The following EXOC2 variants were observed in gnomAD, a reference collection of about 807,000 sequenced individuals.
EXOC2 encodes the protein SEC5-like 1.
EXOC2 carries 70 observed loss-of-function variants against 131.8 expected under a neutral mutation model. The observed-to-expected ratio is 0.53, with a 90% CI of 0.44 to 0.65. The LOEUF (loss-of-function observed/expected upper bound fraction) is 0.65, where lower values mean the gene tolerates loss of function less well. Ranked by LOEUF, EXOC2 falls within the 30% of genes least tolerant of loss-of-function variation. The pLI is 0.00. For missense variants in EXOC2, 923 were observed against 1,108.6 expected (o/e 0.83, Z 2.38); for synonymous variants, 411 against 398.4 (o/e 1.03, Z -0.38).
chr6:488,856 C>T, intron 27 of EXOC2, 123 bp downstream of exon 27: 16 of 1,045,136 alleles, frequency 1.5e-5, no homozygotes, highest in Non-Finnish European at 2.0e-5. Context: ...TCTGCTTATT[C>T]TGATTCTTAT....
Position 485,519 on chromosome 6 carries a change from G to A in EXOC2, c.*1152C>T, listed in dbSNP as rs922270835. The A allele has an allele frequency of 3.3e-5, 5 of 152,152 alleles. No individual in the cohort carries two copies. The highest frequency in any genetic ancestry group is 7.3e-5 in the Non-Finnish European group (5 of 68,046). The allele number at this position is 152,152 out of a possible 1,614,324, so 9.4% of individuals were successfully genotyped here. On this transcript the variant is annotated 3_prime_UTR_variant, in exon 28 of 28. Transcript: ENST00000230449. ...TAGAAAAACTTGAAAACCCTGACAAGCCGACTACAAAGAGAATTCCTCTCT... is the reference window on the plus strand; with the variant it reads ...TAGAAAAACTTGAAAACCCTGACAAACCGACTACAAAGAGAATTCCTCTCT...
At chr6:619,370 A>G in intron 5 of EXOC2, 60 bp downstream of exon 5, 1 of 1,367,234 alleles carries the variant, frequency 7.3e-7, no homozygotes, top group Non-Finnish European at 1.0e-6. Flanking sequence ...GTTACCGTGT[A>G]ATTCCATCTT....
At chr6:549,399 C>A in intron 21 of EXOC2, 108 bp from the exon 22 acceptor site, 1 of 757,334 alleles carries the variant, frequency 1.3e-6, no homozygotes. Context: ...ACGTCAATAT[C>A]CAATGCTTTG....
chr6:640,533 A>C (rs1325692124), intron 1 of EXOC2, among the ~76,000 whole-genome samples: 1 of 152,180 alleles, frequency 6.6e-6, no homozygotes, highest in East Asian at 1.9e-4. Flanking sequence ...AGTACCCCAG[A>C]ATGTGGCTGT....
intron 10 of EXOC2, among the ~76,000 whole-genome samples, chr6:593,708 T>C (rs1237384846): frequency 6.6e-6 from 1 of 152,220 alleles, no homozygotes; most frequent in Non-Finnish European, 1.5e-5. Flanking sequence ...ATGCCATTCT[T>C]TGTCTCTGGG....
At chr6:626,130 T>G (rs191249696) in intron 4 of EXOC2, among the ~76,000 whole-genome samples, 26 of 152,344 alleles carry the variant, frequency 1.7e-4, no homozygotes, top group African/African-American at 6.0e-4. Context: ...AGCAGAAATA[T>G]AGACTTTTTA....
At chr6:651,656 A>AAAATAAATAAAT (rs55863606) in intron 1 of EXOC2, among the ~76,000 whole-genome samples, 13 of 147,124 alleles carry the variant, frequency 8.8e-5, no homozygotes, top group East Asian at 6.2e-4. Flanking sequence ...CCGTCTCAGA[A>AAAATAAATAAAT]AAATAAATAA....
chr6:530,728 CCCTCTGCATCTGTGG>C (rs772670425), intron 23 of EXOC2, among the ~76,000 whole-genome samples: 17 of 152,302 alleles, frequency 1.1e-4, no homozygotes, highest in East Asian at 5.8e-4. Flanking sequence ...GTACTGCTGG[CCCTCTGCATCTGTGG>C]CCTCTGCATC....
intron 17 of EXOC2, among the ~76,000 whole-genome samples, chr6:557,326 G>T (rs1757464191): frequency 6.6e-6 from 1 of 152,070 alleles, no homozygotes; most frequent in Non-Finnish European, 1.5e-5. Flanking sequence ...ATGAATAAAA[G>T]AAGTAGAATT....
At chr6:540,897 G>A (rs1360708370) in intron 22 of EXOC2, among the ~76,000 whole-genome samples, 1 of 152,134 alleles carries the variant, frequency 6.6e-6, no homozygotes, top group Non-Finnish European at 1.5e-5. Flanking sequence ...CTAAAAAGGA[G>A]CCAAGGAAAA....
At chr6:523,195 G>T (rs1299300148) in intron 23 of EXOC2, among the ~76,000 whole-genome samples, 3 of 152,184 alleles carry the variant, frequency 2.0e-5, no homozygotes, top group Non-Finnish European at 4.4e-5. Flanking sequence ...GCTGGCCAAG[G>T]GGGTGTGTCC....
intron 27 of EXOC2, among the ~76,000 whole-genome samples, chr6:487,102 T>C (rs1283433983): frequency 6.6e-6 from 1 of 152,204 alleles, no homozygotes; most frequent in Admixed American, 6.5e-5. Context: ...AATTCACTTT[T>C]TGTTAGATGG....
chr6:620,506 A>T (rs940097570), intron 4 of EXOC2, among the ~76,000 whole-genome samples: 1 of 152,180 alleles, frequency 6.6e-6, no homozygotes, highest in Admixed American at 6.5e-5. Context: ...GACAAGCCCA[A>T]CTCATAAGGT....
intron 23 of EXOC2, among the ~76,000 whole-genome samples, chr6:502,218 T>C (rs370459797): frequency 2.6e-5 from 4 of 152,242 alleles, no homozygotes; most frequent in South Asian, 2.1e-4. Context: ...AGGAACAGAA[T>C]AAAAAATTCA....
chr6:580,681 T>C (rs924850203), intron 11 of EXOC2, among the ~76,000 whole-genome samples: 20 of 152,140 alleles, frequency 1.3e-4, no homozygotes, highest in African/African-American at 4.6e-4. Context: ...TCAGGTTCTG[T>C]GGCAGCTCAC....
chr6:489,901 A>G (rs892055362), intron 26 of EXOC2, among the ~76,000 whole-genome samples: 1 of 152,238 alleles, frequency 6.6e-6, no homozygotes, highest in African/African-American at 2.4e-5. Flanking sequence ...AAGTTCCAAC[A>G]GAGTCATAAA....
At chr6:551,985 G>A (rs564306535) in intron 21 of EXOC2, among the ~76,000 whole-genome samples, 124 of 152,248 alleles carry the variant, frequency 8.1e-4, no homozygotes, top group African/African-American at 2.4e-3. Context: ...AGCTTCCCTC[G>A]CTTTCTCTCC....
chr6:537,269 C>T (rs1288211448), intron 22 of EXOC2, among the ~76,000 whole-genome samples: 2 of 149,620 alleles, frequency 1.3e-5, no homozygotes, highest in South Asian at 2.1e-4. Context: ...AGATGACGGC[C>T]GACGGAGCGT....
At chr6:625,891 A>G (rs1372591541) in intron 4 of EXOC2, among the ~76,000 whole-genome samples, 4 of 151,502 alleles carry the variant, frequency 2.6e-5, no homozygotes, top group African/African-American at 9.7e-5. Flanking sequence ...AAACAGTACA[A>G]AGCTCCTGAT....
Sources: allele counts gnomAD v4.1 joint callset (sites outside exome capture counted in the v4.1 genomes callset), GRCh38; gene constraint gnomAD v4.1.1; transcripts MANE v1.5; gene names NCBI Gene and HGNC (gene_info 2026-07-23, HGNC 2026-07-21).